The following ANKRD52 variants were observed in gnomAD, a reference collection of about 807,000 sequenced individuals.
The protein encoded by ANKRD52 is ankyrin repeat domain 52.
ANKRD52 carries 7 observed loss-of-function variants against 116.0 expected under a neutral mutation model. The ratio of observed to expected loss-of-function variants is 0.06; its 90% CI spans 0.03 to 0.11. ANKRD52 has a LOEUF of 0.11. Among genes scored for constraint, ANKRD52 ranks in the 10% least tolerant of loss-of-function variants. The pLI is 1.00. For missense variants in ANKRD52, 839 were observed against 1,408.6 expected, an observed-to-expected ratio of 0.60 and a Z score of 6.47; for synonymous variants, 528 against 578.1, an observed-to-expected ratio of 0.91 and a Z score of 1.24.
chr12:56,247,851 G>T, intron 18 of ANKRD52, 77 bp from the exon 19 acceptor site: 1 of 1,480,160 alleles, frequency 6.8e-7, no homozygotes, highest in Non-Finnish European at 9.2e-7. Context: ...AGGACTTGGG[G>T]TCAATGTTAC....
In ANKRD52 at chr12:56,258,335, C is replaced by A; in HGVS notation, c.-66G>T. ...GGCGGCGGCGGCTCCACCGGGGACA[C>A]GGAGCGGCCCAGGCGGCGGCTGCGG... On this transcript the variant is annotated 5_prime_UTR_variant, in exon 1 of 28. Transcript: ENST00000267116. 6 of 1,467,406 alleles carry A rather than the reference C, an allele frequency of 4.1e-6. No individual in the cohort carries two copies. 90.9% of individuals were successfully genotyped at this position (1,467,406 alleles called of 1,614,324 possible). A position where few individuals can be genotyped will look rare whatever the true frequency, so the allele number is the denominator to read the frequency against.
rs1242947471 is a variant in ANKRD52 at position 56,243,421 on chromosome 12, A to T, written c.2981-29T>A. On this transcript the variant is annotated intron_variant, in intron 27 of 27. Transcript: ENST00000267116. The surrounding 1 kb of genome is among the most constrained non-coding windows in gnomAD (Gnocchi z 4.6). ...CAGGGCCAAGGGGGAGAACTGAGGC[A>T]TAGAGTCCTGTATCCTAGCCAGCCT... 1 of 1,608,862 alleles carries T rather than the reference A, an allele frequency of 6.2e-7. No individual in the cohort carries two copies. The highest frequency in any genetic ancestry group is 8.5e-7 in the Non-Finnish European group (1 of 1,177,440).
Position 56,253,714 on chromosome 12 carries a change from G to A in ANKRD52, c.985+8C>T. The A allele has an allele frequency of 6.2e-7, 1 of 1,613,220 alleles. No individual in the cohort carries two copies. The highest frequency in any genetic ancestry group is 2.2e-5 in the East Asian group (1 of 44,864). On this transcript the variant is annotated splice_region_variant and intron_variant, in intron 9 of 27. Coordinates refer to ENST00000267116, the MANE Select transcript of ANKRD52 (RefSeq NM_173595.4). This position sits in a 1 kb window ranked among gnomAD's most constrained non-coding sequence, Gnocchi z 5.5. ...GGGATGAGAGCACAAAGTCTCCCAGGTCCATACCATTCTGGATGAGGATCT... is the reference window on the plus strand; with the variant it reads ...GGGATGAGAGCACAAAGTCTCCCAGATCCATACCATTCTGGATGAGGATCT...
rs1335286233 is a variant in ANKRD52, at chr12:56,254,899, C to T, written c.516G>A (p.Lys172=). The T allele has an allele frequency of 6.2e-6, 10 of 1,613,648 alleles. No homozygotes were observed. The highest frequency in any genetic ancestry group is 7.6e-6 in the Non-Finnish European group (9 of 1,179,582). The change falls in exon 6 of 28, where the codon AAG becomes AAA. Residue 172 remains lysine, a synonymous_variant. Coordinates refer to ENST00000267116, the MANE Select transcript of ANKRD52 (RefSeq NM_173595.4). The surrounding 1 kb of genome is among the most constrained non-coding windows in gnomAD (Gnocchi z 4.6). ...CTGCCCAATGCAGAGGCTGCCGCTC[C>T]TTTTTGTCACAGACATTCAGGCTGG... ...KGASLNVCDK[K]ERQPLHWAAF... is the part of the protein sequence containing the mutation.
chr12:56,245,362 GC>G lies in ANKRD52; in HGVS notation c.2404+14del. On this transcript the variant is annotated intron_variant, in intron 21 of 27. Transcript: ENST00000267116. ...AACACATGCTCCTGTGCCTGTGGAG[GC>G]CCCAGTCTAGTACCAGTGTAGGAGG... 6.2e-7 allele frequency: 1 copy of G among 1,607,808 alleles called. No homozygotes were observed. The highest frequency in any genetic ancestry group is 8.5e-7 in the Non-Finnish European group (1 of 1,177,536).
At position 56,243,656 on chromosome 12, in the gene ANKRD52, T is replaced by G; in HGVS notation, c.2980+129A>C. ...CCTCTGAGACTCCAGAGTACTGGTGTGGGCTCCCTGCTCTGAAGAGTTCCC... is the reference window on the plus strand; with the variant it reads ...CCTCTGAGACTCCAGAGTACTGGTGGGGGCTCCCTGCTCTGAAGAGTTCCC... On this transcript the variant is annotated intron_variant, in intron 27 of 27. Coordinates refer to ENST00000267116, the MANE Select transcript of ANKRD52 (RefSeq NM_173595.4). This position sits in a 1 kb window ranked among gnomAD's most constrained non-coding sequence, Gnocchi z 4.6. 1 of 1,071,212 alleles carries G rather than the reference T, an allele frequency of 9.3e-7. No homozygotes were observed. The highest frequency in any genetic ancestry group is 2.6e-5 in the East Asian group (1 of 38,470). The allele number at this position is 1,071,212 out of a possible 1,614,324, so 66.4% of individuals were successfully genotyped here.
chr12:56,243,008 C>T lies in ANKRD52; in HGVS notation c.*134G>A, dbSNP rs1425322564. 7.8e-7 allele frequency: 1 copy of T among 1,286,576 alleles called. No homozygotes were observed. The highest frequency in any genetic ancestry group is 2.5e-5 in the East Asian group (1 of 39,342). The allele number at this position is 1,286,576 out of a possible 1,614,324, so 79.7% of individuals were successfully genotyped here. A position where few individuals can be genotyped will look rare whatever the true frequency, so the allele number is the denominator to read the frequency against. The stretch of plus-strand genomic sequence containing the variant: ...TGTGGCAAAGGGGTGAGCAGCTGCT[C>T]CCCAGGGCTTCCTTCCCCTCCGCCC... On this transcript the variant is annotated 3_prime_UTR_variant, in exon 28 of 28. Transcript: ENST00000267116. This position sits in a 1 kb window ranked among gnomAD's most constrained non-coding sequence, Gnocchi z 4.6.
At position 56,243,369 on chromosome 12, in the gene ANKRD52, C is replaced by G; in HGVS notation, c.3004G>C (p.Ala1002Pro). Residue 1002 changes from alanine (A) to proline (P), a missense_variant, in exon 28 of 28, where the codon GCC (alanine) becomes CCC (proline). Ala to Pro is a conservative substitution (Grantham distance 27). Transcript: ENST00000267116. The surrounding 1 kb of genome is among the most constrained non-coding windows in gnomAD (Gnocchi z 4.6). ...EEGHTPALAC[A>P]PNKDVADCLA... ...CAGTCTGCCACATCTTTGTTGGGGG[C>G]ACAGGCCAGTGCTGGGGTGTGACCT... 6.2e-7 allele frequency: 1 copy of G among 1,613,870 alleles called. No individual in the cohort carries two copies. Among genetic ancestry groups the G allele is most frequent in the Non-Finnish European group, 8.5e-7 (1 of 1,179,808 alleles).
rs372290435 is a variant in ANKRD52, at chr12:56,239,614, T to C, written c.*3528A>G. On this transcript the variant is annotated 3_prime_UTR_variant, in exon 28 of 28. Transcript: ENST00000267116. ...GGAGTCATTTAGACAAAAACACTCA[T>C]GTGCATAAGATACACAGTGCGCAAA... The C allele has an allele frequency of 2.6e-5, 4 of 152,224 alleles. No individual in the cohort carries two copies. The highest frequency in any genetic ancestry group is 1.9e-4 in the East Asian group (1 of 5,190). 9.4% of individuals were successfully genotyped at this position (152,224 alleles called of 1,614,324 possible). A position where few individuals can be genotyped will look rare whatever the true frequency, so the allele number is the denominator to read the frequency against.
rs779910738 is a variant in ANKRD52, at chr12:56,257,857, G to T, written c.82C>A (p.Leu28Ile). 5 of 1,613,784 alleles carry T rather than the reference G, an allele frequency of 3.1e-6. No homozygotes were observed. In the East Asian group the frequency reaches 1.1e-4, roughly 36 times the overall value. Residue 28 changes from leucine to isoleucine, a missense_variant, in exon 2 of 28, where the codon CTC becomes ATC. Around this residue, in one of 2 missense-constraint regions of ANKRD52, gnomAD observed 287 missense variants for 598.1 expected, o/e 0.48. Transcript: ENST00000267116. ...SRDVEEVRSL[L>I]SQKENINVLD... ...ACATTGATGTTCTCCTTCTGCGAGA[G>T]TAGGGAACGCACTTCCTCCACATCT...
Position 56,243,879 on chromosome 12 carries a change from T to C in ANKRD52, c.2889-3A>G. The stretch of plus-strand genomic sequence containing the variant: ...TCCGGGCAGCAATGTGGAGTGGCCT[T>C]GGAAAAAAGGAAAAAGAAGGAGCTT... On this transcript the variant is annotated splice_polypyrimidine_tract_variant and splice_region_variant and intron_variant, in intron 26 of 27. Transcript: ENST00000267116. This position sits in a 1 kb window ranked among gnomAD's most constrained non-coding sequence, Gnocchi z 4.6. The C allele has an allele frequency of 6.4e-7, 1 of 1,567,462 alleles. No individual in the cohort carries two copies. The highest frequency in any genetic ancestry group is 2.4e-5 in the East Asian group (1 of 42,158).
Position 56,253,434 on chromosome 12 carries a change from C to G in ANKRD52, c.986-32G>C, listed in dbSNP as rs946072609. The G allele has an allele frequency of 1.3e-6, 2 of 1,568,174 alleles. No homozygotes were observed. Among genetic ancestry groups the G allele is most frequent in the Admixed American group, 1.7e-5 (1 of 59,604 alleles). ...GGGGATGCACACACACAAGCTCAGG[C>G]AGACCTCAGGCTTAAGACCACTTTC... On this transcript the variant is annotated intron_variant, in intron 9 of 27. Coordinates refer to ENST00000267116, the MANE Select transcript of ANKRD52 (RefSeq NM_173595.4). The surrounding 1 kb of genome is among the most constrained non-coding windows in gnomAD (Gnocchi z 5.5).
chr12:56,255,859 C>T lies in ANKRD52; in HGVS notation c.387G>A (p.Leu129=), dbSNP rs559370279. ...ATKCAEALAP[L]LSSLNVADRS... ...TGTCAGCCACGTTGAGGCTGCTCAA[C>T]AGGGGTGCCAGAGCCTCAGCACACT... The change falls in exon 5 of 28, where the codon CTG becomes CTA. Residue 129 remains leucine (L), a synonymous_variant. Transcript: ENST00000267116. This position sits in a 1 kb window ranked among gnomAD's most constrained non-coding sequence, Gnocchi z 4.3. 3 of 1,576,382 alleles carry T rather than the reference C, an allele frequency of 1.9e-6. No homozygotes were observed. Among genetic ancestry groups the T allele is most frequent in the East Asian group, 2.3e-5 (1 of 42,762 alleles).
chr12:56,257,188 GA>G, intron 3 of ANKRD52, 94 bp downstream of exon 3: 1 of 1,546,436 alleles, frequency 6.5e-7, no homozygotes, highest in Non-Finnish European at 8.8e-7. Context: ...GCCTCGCCTG[GA>G]CCAAGCCGGG....
rs964334846 is a variant in ANKRD52 at position 56,238,683 on chromosome 12, C to T, written c.*4459G>A. ...AGAAGGGGGTAGGAGACTTCATCCT[C>T]CATCCTCCCCTAACCCTTCCCAAAC... On this transcript the variant is annotated 3_prime_UTR_variant, in exon 28 of 28. Transcript: ENST00000267116. 8.6e-5 allele frequency: 13 copies of T among 151,968 alleles called. No individual in the cohort carries two copies. The allele number at this position is 151,968 out of a possible 1,614,324, so 9.4% of individuals were successfully genotyped here. A position where few individuals can be genotyped will look rare whatever the true frequency, so the allele number is the denominator to read the frequency against.
chr12:56,251,282 T>C (rs1277498348), intron 15 of ANKRD52, among the ~76,000 whole-genome samples: 1 of 151,446 alleles, frequency 6.6e-6, no homozygotes, highest in African/African-American at 2.4e-5. Context: ...TCTTGTTCGG[T>C]TGCCCAGGCT....
At position 56,244,850 on chromosome 12, in the gene ANKRD52, G is replaced by A; in HGVS notation, c.2577-53C>T. The A allele has an allele frequency of 3.1e-6, 5 of 1,613,872 alleles. No individual in the cohort carries two copies. The South Asian group carries it at 4.4e-5, about 14-fold the overall frequency. On this transcript the variant is annotated intron_variant, in intron 23 of 27. Coordinates refer to ENST00000267116, the MANE Select transcript of ANKRD52 (RefSeq NM_173595.4). This position sits in a 1 kb window ranked among gnomAD's most constrained non-coding sequence, Gnocchi z 4.9. ...AAATAGGGAAGAGTATACTGCCCAA[G>A]CAGAAAGGGGAAGCCAGAGGCAACT... is the stretch of plus-strand genomic sequence containing the variant.
intron 20 of ANKRD52, among the ~76,000 whole-genome samples, chr12:56,246,939 A>G (rs1871432356): frequency 7.0e-6 from 1 of 143,660 alleles, no homozygotes; most frequent in Admixed American, 7.0e-5. Context: ...AATAATAATA[A>G]TAATAATAAT....
chr12:56,244,886 C>T lies in ANKRD52; in HGVS notation c.2576+20G>A. Reference sequence around the variant, plus strand: ...AAGCCAGAGGCAACTGGGATTCTTCCCAAGTCTTCCATCACTCACCGTCCT... The same window carrying T: ...AAGCCAGAGGCAACTGGGATTCTTCTCAAGTCTTCCATCACTCACCGTCCT... On this transcript the variant is annotated intron_variant, in intron 23 of 27. Transcript: ENST00000267116. The surrounding 1 kb of genome is among the most constrained non-coding windows in gnomAD (Gnocchi z 4.9). 1 of 1,613,914 alleles carries T rather than the reference C, an allele frequency of 6.2e-7. No homozygotes were observed. The highest frequency in any genetic ancestry group is 8.5e-7 in the Non-Finnish European group (1 of 1,179,862).
Sources: allele counts gnomAD v4.1 joint callset (sites outside exome capture counted in the v4.1 genomes callset), GRCh38; gene constraint gnomAD v4.1.1; regional missense constraint gnomAD v4.1.1; non-coding constraint Gnocchi (gnomAD v3.1); transcripts MANE v1.5; gene names NCBI Gene and HGNC (gene_info 2026-07-23, HGNC 2026-07-21).